PTPRD: variants seen among roughly 807,000 people sequenced by gnomAD.
The protein encoded by PTPRD is protein tyrosine phosphatase receptor type D, also known as receptor-type tyrosine-protein phosphatase delta.
Under a neutral mutation model 214.5 loss-of-function variants are expected in PTPRD, and 34 were observed. The ratio of observed to expected loss-of-function variants is 0.16; its 90% CI spans 0.12 to 0.21. The LOEUF is 0.21. Ranked by LOEUF, PTPRD falls within the 10% of genes least tolerant of loss-of-function variation. The pLI, the probability that PTPRD is intolerant of heterozygous loss-of-function variation, is 1.00. For missense variants in PTPRD, 2,545 were observed against 2,398.7 expected (o/e 1.06, Z -1.27); for synonymous variants, 1,128 against 845.7 (o/e 1.33, Z -5.79).
At chr9:9,323,069 G>T (rs1161997535) in intron 9 of PTPRD, among the ~76,000 whole-genome samples, 2 of 151,878 alleles carry the variant, frequency 1.3e-5, no homozygotes, top group South Asian at 2.1e-4. Context: ...TGCAACATTA[G>T]GGTATTTTGA....
intron 8 of PTPRD, among the ~76,000 whole-genome samples, chr9:9,479,213 AC>A (rs1182528914): frequency 1.7e-4 from 6 of 36,296 alleles, no homozygotes; most frequent in Non-Finnish European, 2.9e-4. Context: ...ATACACACAC[AC>A]GCCCCCCCCC....
intron 4 of PTPRD, among the ~76,000 whole-genome samples, chr9:9,992,880 C>T (rs950904526): frequency 6.6e-6 from 1 of 152,042 alleles, no homozygotes; most frequent in African/African-American, 2.4e-5. Flanking sequence ...AGCACACCAA[C>T]ATGGCACATG....
At chr9:9,903,706 T>G (rs961849015) in intron 5 of PTPRD, among the ~76,000 whole-genome samples, 1 of 152,102 alleles carries the variant, frequency 6.6e-6, no homozygotes, top group African/African-American at 2.4e-5. Flanking sequence ...CCCTCTTTCT[T>G]CTTTCTGTCT....
intron 9 of PTPRD, among the ~76,000 whole-genome samples, chr9:9,251,723 G>A (rs925438289): frequency 6.6e-6 from 1 of 151,892 alleles, no homozygotes; most frequent in Non-Finnish European, 1.5e-5. Flanking sequence ...AGCATAATGG[G>A]GTACTTTGTA....
At chr9:9,140,058 G>C (rs939368619) in intron 10 of PTPRD, among the ~76,000 whole-genome samples, 1 of 151,812 alleles carries the variant, frequency 6.6e-6, no homozygotes, top group East Asian at 1.9e-4. Flanking sequence ...ATTTATTATA[G>C]TCAGGAAACC....
intron 8 of PTPRD, among the ~76,000 whole-genome samples, chr9:9,521,552 A>C (rs1051843989): frequency 6.6e-6 from 1 of 152,160 alleles, no homozygotes; most frequent in Non-Finnish European, 1.5e-5. Context: ...CTAGGAATGC[A>C]CTTTCTCTAA....
chr9:9,636,202 C>T (rs559744412), intron 7 of PTPRD, among the ~76,000 whole-genome samples: 7 of 152,332 alleles, frequency 4.6e-5, no homozygotes, highest in African/African-American at 1.7e-4. Flanking sequence ...TATTAACTTT[C>T]ATTTCTCCTT....
At chr9:9,166,769 C>T (rs2130783637) in intron 10 of PTPRD, among the ~76,000 whole-genome samples, 1 of 152,144 alleles carries the variant, frequency 6.6e-6, no homozygotes, top group South Asian at 2.1e-4. Context: ...GGAGGGCATT[C>T]ACAAAATACC....
chr9:8,436,512 A>G lies in PTPRD; in HGVS notation c.4086+80T>C, dbSNP rs143769782. 490 of 1,067,710 alleles carry G rather than the reference A, an allele frequency of 4.6e-4. 2 individuals are homozygous for G. The African/African-American group carries it at 6.8e-3, about 15-fold the overall frequency. 66.1% of individuals were successfully genotyped at this position (1,067,710 alleles called of 1,614,324 possible). On this transcript the variant is annotated intron_variant, in intron 35 of 45. Transcript: ENST00000381196. ...TATTTAAAGGGAAAAGCACTGATGA[A>G]GTTAATTTTCAAGAATATGGTCAAA...
intron 8 of PTPRD, among the ~76,000 whole-genome samples, chr9:9,557,052 G>C (rs913921255): frequency 3.9e-5 from 6 of 152,176 alleles, no homozygotes; most frequent in Non-Finnish European, 7.3e-5. Context: ...TTGAGTGTGA[G>C]AGATAACGTC....
chr9:8,631,901 G>T (rs2096265599), intron 14 of PTPRD, among the ~76,000 whole-genome samples: 1 of 151,626 alleles, frequency 6.6e-6, no homozygotes, highest in Non-Finnish European at 1.5e-5. Context: ...TCAGGGAATG[G>T]GGAACTTCCT....
chr9:9,738,439 C>CTTTTTTT (rs71319292), intron 6 of PTPRD, among the ~76,000 whole-genome samples: 3,548 of 76,480 alleles, frequency 0.046, 814 homozygotes, highest in African/African-American at 0.15. Context: ...CACTCACTCA[C>CTTTTTTT]TTTTTTTTTT....
intron 4 of PTPRD, among the ~76,000 whole-genome samples, chr9:10,007,457 C>T (rs1051772725): frequency 1.1e-4 from 17 of 151,862 alleles, no homozygotes; most frequent in African/African-American, 2.4e-4. Flanking sequence ...TACGAAGAGG[C>T]GTTCTGAATT....
At chr9:10,442,058 C>T (rs1360914527) in intron 2 of PTPRD, among the ~76,000 whole-genome samples, 1 of 151,566 alleles carries the variant, frequency 6.6e-6, no homozygotes, top group South Asian at 2.1e-4. Flanking sequence ...TACATAATCA[C>T]TAACTATAGC....
At chr9:10,484,203 C>T (rs1468015749) in intron 2 of PTPRD, among the ~76,000 whole-genome samples, 2 of 152,008 alleles carry the variant, frequency 1.3e-5, no homozygotes, top group African/African-American at 4.8e-5. Flanking sequence ...AATGAGAAAG[C>T]AAATACTACA....
intron 5 of PTPRD, among the ~76,000 whole-genome samples, chr9:9,937,720 A>C (rs1224222878): frequency 6.6e-6 from 1 of 152,096 alleles, no homozygotes; most frequent in African/African-American, 2.4e-5. Flanking sequence ...TATTCTTTGA[A>C]ACTGTGGAAG....
intron 5 of PTPRD, among the ~76,000 whole-genome samples, chr9:9,881,317 T>C: frequency 6.6e-6 from 1 of 152,134 alleles, no homozygotes. Context: ...TACCATCAAT[T>C]TATTTCTCTC....
At chr9:8,940,827 GTGATGATGATGA>G (rs5896286) in intron 11 of PTPRD, among the ~76,000 whole-genome samples, 27 of 140,028 alleles carry the variant, frequency 1.9e-4, no homozygotes, top group African/African-American at 5.5e-4. Flanking sequence ...CAAAACATTA[GTGATGATGATGA>G]TGATGATGAT....
intron 30 of PTPRD, among the ~76,000 whole-genome samples, chr9:8,475,898 C>T (rs755381120): frequency 1.3e-5 from 2 of 152,160 alleles, no homozygotes; most frequent in South Asian, 2.1e-4. Flanking sequence ...ACTTTAGCCC[C>T]GTCTAGTGCA....
Sources: gnomAD v4.1 joint callset for allele counts (sites outside exome capture counted in the v4.1 genomes callset) on GRCh38, gnomAD v4.1.1 for gene constraint, MANE v1.5 for transcripts, NCBI Gene and HGNC (gene_info 2026-07-23, HGNC 2026-07-21) for gene names.